The following PAWR variants were observed in gnomAD, a reference collection of about 807,000 sequenced individuals.
PAWR encodes pro-apoptotic WT1 regulator.
PAWR carries 23 observed loss-of-function variants against 32.0 expected under a neutral mutation model. The observed-to-expected ratio is 0.72, with a 90% CI of 0.52 to 1.02. The LOEUF (loss-of-function observed/expected upper bound fraction) is 1.02. PAWR is among the 50% of genes least tolerant of loss of function. PAWR has a pLI of 0.00. For synonymous variants in PAWR, 226 were observed against 187.1 expected (o/e 1.21, Z -1.70); for missense variants, 457 against 437.7 (o/e 1.04, Z -0.39).
chr12:79,641,127 G>A (rs969042049), intron 2 of PAWR, among the ~76,000 whole-genome samples: 3 of 151,966 alleles, frequency 2.0e-5, no homozygotes, highest in African/African-American at 4.8e-5. Flanking sequence ...TGAATTCTCA[G>A]GTTTTGTTGC....
intron 2 of PAWR, among the ~76,000 whole-genome samples, chr12:79,623,957 G>C (rs920299198): frequency 3.3e-5 from 5 of 152,088 alleles, no homozygotes; most frequent in Non-Finnish European, 7.4e-5. Context: ...CTTTAAAAGG[G>C]GGAGGAGAGG....
At chr12:79,688,054 C>T (rs1878768822) in intron 2 of PAWR, among the ~76,000 whole-genome samples, 1 of 151,970 alleles carries the variant, frequency 6.6e-6, no homozygotes. Flanking sequence ...TTAGGAGTTG[C>T]CAACACCCAA....
At chr12:79,646,831 A>G (rs1254242161) in intron 2 of PAWR, among the ~76,000 whole-genome samples, 2 of 152,226 alleles carry the variant, frequency 1.3e-5, no homozygotes, top group Non-Finnish European at 2.9e-5. Context: ...GTAATTTCAC[A>G]GATATTATTG....
chr12:79,675,555 T>C (rs1878123557), intron 2 of PAWR, among the ~76,000 whole-genome samples: 2 of 151,982 alleles, frequency 1.3e-5, no homozygotes. Flanking sequence ...TACACAGCCA[T>C]AAAAAAGAAC....
intron 2 of PAWR, among the ~76,000 whole-genome samples, chr12:79,684,085 G>A (rs565041868): frequency 5.3e-5 from 8 of 152,160 alleles, no homozygotes; most frequent in Non-Finnish European, 7.4e-5. Flanking sequence ...AGAGCACACC[G>A]TGTGAATACT....
chr12:79,689,695 G>A, intron 2 of PAWR, 34 bp downstream of exon 2: 2 of 1,528,992 alleles, frequency 1.3e-6, no homozygotes, highest in South Asian at 1.2e-5. Context: ...TGCCCGCCCC[G>A]GCCCGGTCCG....
chr12:79,640,474 C>T (rs1408394192), intron 2 of PAWR, among the ~76,000 whole-genome samples: 2 of 152,202 alleles, frequency 1.3e-5, no homozygotes, highest in African/African-American at 4.8e-5. Context: ...GGCATAGTGG[C>T]TCACACTTAT....
Position 79,589,763 on chromosome 12 carries a change from T to C in PAWR, c.*2844A>G, listed in dbSNP as rs1782949827. On this transcript the variant is annotated 3_prime_UTR_variant, in exon 7 of 7. Transcript: ENST00000328827. ...CATTTTAAAGATGACAAACTTACTA[T>C]TTTGAAAATGAGCTCATAAATACAT... 1 of 152,184 alleles carries C rather than the reference T, an allele frequency of 6.6e-6. No individual in the cohort carries two copies. The highest frequency in any genetic ancestry group is 2.1e-4 in the South Asian group (1 of 4,826). The allele number at this position is 152,184 out of a possible 1,614,324, so 9.4% of individuals were successfully genotyped here.
chr12:79,624,929 T>C (rs775738210), intron 2 of PAWR, among the ~76,000 whole-genome samples: 1 of 152,232 alleles, frequency 6.6e-6, no homozygotes, highest in Non-Finnish European at 1.5e-5. Context: ...ATTTCCTGGA[T>C]AGATTCTTAG....
chr12:79,637,182 A>AG (rs772850778), intron 2 of PAWR, among the ~76,000 whole-genome samples: 1 of 152,136 alleles, frequency 6.6e-6, no homozygotes, highest in African/African-American at 2.4e-5. Context: ...GCTCCCTAAA[A>AG]GGGGGATGGG....
chr12:79,594,302 A>G (rs111286542), intron 6 of PAWR, 27 bp downstream of exon 6: 3 of 1,026,204 alleles, frequency 2.9e-6, no homozygotes, highest in African/African-American at 1.6e-5. Context: ...AAACCCCTCC[A>G]AACCTGAAAT....
intron 2 of PAWR, chr12:79,632,257 A>ACAAAT (rs61699141): frequency 0.012 from 1,605 of 135,396 alleles, 89 homozygotes; most frequent in African/African-American, 0.045. Context: ...AGATATTCAT[A>ACAAAT]CAAAAGAATG....
At chr12:79,676,497 T>C (rs1565702613) in intron 2 of PAWR, among the ~76,000 whole-genome samples, 1 of 152,164 alleles carries the variant, frequency 6.6e-6, no homozygotes, top group Non-Finnish European at 1.5e-5. Context: ...TTCTATAATT[T>C]CACACACAGT....
At chr12:79,616,195 T>G (rs1182162761) in intron 3 of PAWR, among the ~76,000 whole-genome samples, 5 of 152,156 alleles carry the variant, frequency 3.3e-5, no homozygotes, top group East Asian at 1.9e-4. Flanking sequence ...GATGTCTGAC[T>G]ACACATGCAT....
intron 3 of PAWR, among the ~76,000 whole-genome samples, chr12:79,616,236 G>A (rs1215601751): frequency 2.0e-5 from 3 of 151,968 alleles, no homozygotes; most frequent in Non-Finnish European, 4.4e-5. Flanking sequence ...CCAAAATAAA[G>A]TTCTAAAACA....
intron 2 of PAWR, among the ~76,000 whole-genome samples, chr12:79,640,500 G>A (rs1022150790): frequency 6.6e-6 from 1 of 152,246 alleles, no homozygotes; most frequent in East Asian, 1.9e-4. Flanking sequence ...CAGCACTTTG[G>A]GAGGCCAAGG....
Position 79,657,588 on chromosome 12 carries a change from G to A in PAWR, c.516+32141C>T, listed in dbSNP as rs577460553. Among the ~76,000 whole-genome samples the A allele has an allele frequency of 1.3e-3, 195 of 152,156 alleles. 1 individual carries two copies. Among genetic ancestry groups the A allele is most frequent in the African/African-American group, 4.4e-3 (182 of 41,526 alleles). ...GGGCGGATCACAAGGTCAGAAGACC[G>A]AGACCATCTTGGCTAACACGGTGAA... On this transcript the variant is annotated intron_variant, in intron 2 of 6. Transcript: ENST00000328827.
At position 79,594,440 on chromosome 12, in the gene PAWR, G is replaced by C; in HGVS notation, c.832-7C>G. On this transcript the variant is annotated splice_polypyrimidine_tract_variant and splice_region_variant and intron_variant, in intron 5 of 6. Transcript: ENST00000328827. ...GTCTTTCTCTTACTACTTCCTGGTA[G>C]ATACAATTAAAAACCAGTAATTAGG... 1.5e-6 allele frequency: 2 copies of C among 1,324,450 alleles called. No individual in the cohort carries two copies. Among genetic ancestry groups the C allele is most frequent in the East Asian group, 2.3e-5 (1 of 42,910 alleles). 82.0% of individuals were successfully genotyped at this position (1,324,450 alleles called of 1,614,324 possible). A position where few individuals can be genotyped will look rare whatever the true frequency, so the allele number is the denominator to read the frequency against.
intron 2 of PAWR, among the ~76,000 whole-genome samples, chr12:79,639,863 TATTCCTATTCCTATTCCTATTCC>T (rs1409578334): frequency 2.7e-4 from 33 of 120,810 alleles, no homozygotes; most frequent in African/African-American, 4.4e-4. Context: ...TTCCTATTCC[TATTCCTATTCCTATTCCTATTCC>T]ATTCCATTCC....
Sources: allele counts gnomAD v4.1 joint callset (sites outside exome capture counted in the v4.1 genomes callset), GRCh38; gene constraint gnomAD v4.1.1; transcripts MANE v1.5; gene names NCBI Gene and HGNC (gene_info 2026-07-23, HGNC 2026-07-21).